Variants in DEFB130B observed in about 807,000 individuals in gnomAD.
The protein encoded by DEFB130B is beta-defensin 130B.
intron 1 of DEFB130B, among the ~76,000 whole-genome samples, chr8:12,066,942 G>T: frequency 7.9e-6 from 1 of 125,940 alleles, no homozygotes; most frequent in South Asian, 2.7e-4. Flanking sequence ...TTTTTTTTTT[G>T]GATGATGTAG....
At chr8:12,067,017 T>G (rs1289378210) in intron 1 of DEFB130B, among the ~76,000 whole-genome samples, 1 of 84,826 alleles carries the variant, frequency 1.2e-5, no homozygotes, top group Admixed American at 1.1e-4. Flanking sequence ...TGCAGTTTCC[T>G]TTTCTCTACA....
chr8:12,069,488 T>C (rs1182345518), intron 1 of DEFB130B, among the ~76,000 whole-genome samples: 4 of 137,368 alleles, frequency 2.9e-5, no homozygotes, highest in Admixed American at 7.2e-5. Flanking sequence ...ATCATCCTAC[T>C]TGCCTCCAAA....
At position 12,065,158 on chromosome 8, in the gene DEFB130B, A is replaced by T. The variant is rs189594748; in HGVS notation, c.59-588T>A. On this transcript the variant is annotated intron_variant, in intron 1 of 1. Coordinates refer to ENST00000437818, the MANE Select transcript of DEFB130B (RefSeq NM_001195257.1). ...ATGTTGCTCAATACCTCATAGATAG[A>T]TGGAGGAATGGATAGATAGATAGAT... 7.0e-5 allele frequency among the ~76,000 whole-genome samples: 5 copies of T among 71,474 alleles called. 1 individual carries two copies. Among genetic ancestry groups the T allele is most frequent in the African/African-American group, 2.2e-4 (5 of 22,784 alleles). The allele number at this position is 71,474 out of a possible 152,430, so 46.9% of individuals were successfully genotyped here.
At chr8:12,065,032 T>A (rs1801749171) in intron 1 of DEFB130B, among the ~76,000 whole-genome samples, 1 of 107,472 alleles carries the variant, frequency 9.3e-6, no homozygotes, top group Non-Finnish European at 2.2e-5. Flanking sequence ...AAATGGTTCA[T>A]GTGCATATCT....
chr8:12,070,244 T>C lies in DEFB130B; in HGVS notation c.58+1446A>G, dbSNP rs1801824471. On this transcript the variant is annotated intron_variant, in intron 1 of 1. Transcript: ENST00000437818. ...GGCTATTATTAAAAAGTTAAAAAAA[T>C]AACAGAAACGCAGATGAGGCTGTGG... 3.4e-4 allele frequency among the ~76,000 whole-genome samples: 2 copies of C among 5,964 alleles called. 1 individual carries two copies. Among genetic ancestry groups the C allele is most frequent in the Admixed American group, 7.7e-3 (2 of 260 alleles). The allele number at this position is 5,964 out of a possible 152,430, so 3.9% of individuals were successfully genotyped here.
At position 12,070,715 on chromosome 8, in the gene DEFB130B, G is replaced by C. The variant is rs1211211520; in HGVS notation, c.58+975C>G. ...CATGGGAGACTACTAGAGTGGGGAGGGAGGAAAACAAGGATTAAAAAACTA... is the reference window on the plus strand; with the variant it reads ...CATGGGAGACTACTAGAGTGGGGAGCGAGGAAAACAAGGATTAAAAAACTA... On this transcript the variant is annotated intron_variant, in intron 1 of 1. Coordinates refer to ENST00000437818, the MANE Select transcript of DEFB130B (RefSeq NM_001195257.1). Among the ~76,000 whole-genome samples, 2 of 5,806 alleles carry C rather than the reference G, an allele frequency of 3.4e-4. 1 individual carries two copies. Among genetic ancestry groups the C allele is most frequent in the Admixed American group, 7.9e-3 (2 of 252 alleles). The allele number at this position is 5,806 out of a possible 152,430, so 3.8% of individuals were successfully genotyped here.
intron 1 of DEFB130B, among the ~76,000 whole-genome samples, chr8:12,069,424 A>G (rs1801810951): frequency 1.5e-5 from 2 of 133,660 alleles, no homozygotes; most frequent in African/African-American, 5.1e-5. Flanking sequence ...ATGAAACCAT[A>G]AAAGAACTCA....
chr8:12,069,588 A>C (rs140652911), intron 1 of DEFB130B, among the ~76,000 whole-genome samples: 2,926 of 132,590 alleles, frequency 0.022, 297 homozygotes, highest in African/African-American at 0.068. Flanking sequence ...AGAACCCAGA[A>C]ATAAAGCTGC....
chr8:12,070,796 A>T (rs1801830220), intron 1 of DEFB130B, among the ~76,000 whole-genome samples: 1 of 78,186 alleles, frequency 1.3e-5, no homozygotes, highest in Non-Finnish European at 3.1e-5. Context: ...CCCAAACCTC[A>T]CATCACAAAA....
In DEFB130B at chr8:12,069,488, T is replaced by G. The variant is rs1182345518; in HGVS notation, c.58+2202A>C. Among the ~76,000 whole-genome samples the G allele has an allele frequency of 2.1e-4, 29 of 137,368 alleles. 5 individuals are homozygous for G. The highest frequency in any genetic ancestry group is 5.1e-4 in the Admixed American group (7 of 13,814). The allele number at this position is 137,368 out of a possible 152,430, so 90.1% of individuals were successfully genotyped here. ...AGCAACACTGGAGGCATCATCCTAC[T>G]TGCCTCCAAATTATACTATAAGGCC... On this transcript the variant is annotated intron_variant, in intron 1 of 1. Coordinates refer to ENST00000437818, the MANE Select transcript of DEFB130B (RefSeq NM_001195257.1).
At chr8:12,066,874 T>C (rs1259436430) in intron 1 of DEFB130B, among the ~76,000 whole-genome samples, 4 of 113,534 alleles carry the variant, frequency 3.5e-5, no homozygotes, top group African/African-American at 9.1e-5. Flanking sequence ...ATCTACTTTC[T>C]AAAAGGATAT....
rs1161076222 is a variant in DEFB130B, at chr8:12,065,168, G to GGATAGATAGATA, written c.59-610_59-599dup. Among the ~76,000 whole-genome samples, 37 of 29,480 alleles carry GGATAGATAGATA rather than the reference G, an allele frequency of 1.3e-3. 4 individuals are homozygous for GGATAGATAGATA. Among genetic ancestry groups the GGATAGATAGATA allele is most frequent in the South Asian group, 4.4e-3 (2 of 452 alleles). 19.3% of individuals were successfully genotyped at this position (29,480 alleles called of 152,430 possible). On this transcript the variant is annotated intron_variant, in intron 1 of 1. Transcript: ENST00000437818. ...ATACCTCATAGATAGATGGAGGAATGGATAGATAGATAGATAGATAGATAG... is the reference window on the plus strand; with the variant it reads ...ATACCTCATAGATAGATGGAGGAATGGATAGATAGATAGATAGATAGATAGATAGATAGATAG...
At chr8:12,067,067 C>T (rs1322396597) in intron 1 of DEFB130B, among the ~76,000 whole-genome samples, 3 of 15,988 alleles carry the variant, frequency 1.9e-4, no homozygotes, top group South Asian at 0.011. Flanking sequence ...TGTCCAATGT[C>T]GTGTATTTAG....
At chr8:12,069,321 TA>T (rs1801808344) in intron 1 of DEFB130B, among the ~76,000 whole-genome samples, 1 of 95,642 alleles carries the variant, frequency 1.0e-5, no homozygotes, top group Non-Finnish European at 2.5e-5. Flanking sequence ...AAAATGGCCA[TA>T]CTGCCCAAAG....
chr8:12,069,376 A>AT (rs2150591895), intron 1 of DEFB130B, among the ~76,000 whole-genome samples: 1 of 121,378 alleles, frequency 8.2e-6, no homozygotes, highest in East Asian at 2.1e-4. Flanking sequence ...TACCAATGAC[A>AT]TTTTTCACAG....
At chr8:12,065,128 T>G (rs1801750976) in intron 1 of DEFB130B, among the ~76,000 whole-genome samples, 1 of 114,264 alleles carries the variant, frequency 8.8e-6, no homozygotes, top group Non-Finnish European at 2.0e-5. Flanking sequence ...AGAAATACCT[T>G]TCCTATGTTG....
chr8:12,065,047 C>T (rs2150590429), intron 1 of DEFB130B, among the ~76,000 whole-genome samples: 1 of 113,478 alleles, frequency 8.8e-6, no homozygotes, highest in Non-Finnish European at 2.1e-5. Flanking sequence ...ATATCTTCAT[C>T]TCCTTTCATA....
rs1801814723 is a variant in DEFB130B, at chr8:12,069,560, A to G, written c.58+2130T>C. Among the ~76,000 whole-genome samples, 2 of 136,896 alleles carry G rather than the reference A, an allele frequency of 1.5e-5. 1 individual carries two copies. Among genetic ancestry groups the G allele is most frequent in the African/African-American group, 5.1e-5 (2 of 39,482 alleles). The allele number at this position is 136,896 out of a possible 152,430, so 89.8% of individuals were successfully genotyped here. On this transcript the variant is annotated intron_variant, in intron 1 of 1. Transcript: ENST00000437818. ...GACTGGTACAAAAGCAGACACATGA[A>G]CCACTTGAACAGAATAGAGAACCCA...
Position 12,066,927 on chromosome 8 carries a change from G to A in DEFB130B, c.59-2357C>T, listed in dbSNP as rs1252525796. Among the ~76,000 whole-genome samples, 7 of 126,040 alleles carry A rather than the reference G, an allele frequency of 5.6e-5. 1 individual carries two copies. The highest frequency in any genetic ancestry group is 1.9e-4 in the African/African-American group (7 of 35,918). 82.7% of individuals were successfully genotyped at this position (126,040 alleles called of 152,430 possible). On this transcript the variant is annotated intron_variant, in intron 1 of 1. Transcript: ENST00000437818. Reference sequence around the variant, plus strand: ...AACTCATTGAGTCAGTAACTTTTAAGTTTTTTTTTTTTTTGGATGATGTAG... The same window carrying A: ...AACTCATTGAGTCAGTAACTTTTAAATTTTTTTTTTTTTTGGATGATGTAG...
Sources: allele counts gnomAD v4.1 joint callset (sites outside exome capture counted in the v4.1 genomes callset), GRCh38; gene constraint gnomAD v4.1.1; transcripts MANE v1.5; gene names NCBI Gene and HGNC (gene_info 2026-07-23, HGNC 2026-07-21).